The following PPFIBP2 variants were observed in gnomAD, a reference collection of about 807,000 sequenced individuals.
PPFIBP2 encodes PPFIB scaffold protein 2, also known as liprin-beta-2.
Under a neutral mutation model 118.3 loss-of-function variants are expected in PPFIBP2, and 118 were observed. The ratio of observed to expected loss-of-function variants is 1.00; its 90% confidence interval spans 0.86 to 1.16. The LOEUF (loss-of-function observed/expected upper bound fraction) is 1.16, where lower values mean the gene tolerates loss of function less well. Among genes scored for constraint, PPFIBP2 ranks in the 50% most tolerant of loss-of-function variants. PPFIBP2 has a pLI of 0.00. For missense variants in PPFIBP2, 1,195 were observed against 1,073.1 expected (o/e 1.11, Z -1.59); for synonymous variants, 414 against 397.4 (o/e 1.04, Z -0.50).
chr11:7,626,857 T>A (rs2135707011), intron 8 of PPFIBP2, among the ~76,000 whole-genome samples: 1 of 152,302 alleles, frequency 6.6e-6, no homozygotes, highest in Non-Finnish European at 1.5e-5. Context: ...TTAGCTTGGA[T>A]CCCCAGCTGG....
At chr11:7,646,099 T>C (rs1197047621) in intron 17 of PPFIBP2, among the ~76,000 whole-genome samples, 1 of 152,208 alleles carries the variant, frequency 6.6e-6, no homozygotes, top group Non-Finnish European at 1.5e-5. Context: ...TGAGTAGCCC[T>C]CTAGATTGTT....
intron 3 of PPFIBP2, among the ~76,000 whole-genome samples, chr11:7,566,111 A>C (rs7127972): frequency 0.19 from 29,097 of 151,756 alleles, 2,825 homozygotes; most frequent in Non-Finnish European, 0.2. Flanking sequence ...TGGTGTCTCT[A>C]CCCTCGGCTA....
chr11:7,523,187 A>G (rs1319887882), intron 1 of PPFIBP2, among the ~76,000 whole-genome samples: 1 of 152,120 alleles, frequency 6.6e-6, no homozygotes, highest in Non-Finnish European at 1.5e-5. Flanking sequence ...AGTGGCCCTG[A>G]GGCTGGAGTT....
chr11:7,538,125 AG>A (rs1223087548), intron 1 of PPFIBP2, among the ~76,000 whole-genome samples: 5 of 152,198 alleles, frequency 3.3e-5, no homozygotes, highest in Admixed American at 1.3e-4. Flanking sequence ...GAAGCCCAGA[AG>A]GTCAGATGTG....
chr11:7,607,004 A>G (rs1196929322), intron 5 of PPFIBP2, among the ~76,000 whole-genome samples: 3 of 134,528 alleles, frequency 2.2e-5, no homozygotes, highest in Non-Finnish European at 4.6e-5. Context: ...TCTGCCTCCC[A>G]GGTTCACGCC....
chr11:7,592,074 T>C (rs766170409), intron 3 of PPFIBP2, among the ~76,000 whole-genome samples: 5 of 152,178 alleles, frequency 3.3e-5, no homozygotes, highest in Admixed American at 1.3e-4. Flanking sequence ...ACCTCCCTCG[T>C]GAATATTGAA....
At chr11:7,543,680 G>A (rs889407318) in intron 1 of PPFIBP2, among the ~76,000 whole-genome samples, 4 of 152,218 alleles carry the variant, frequency 2.6e-5, no homozygotes, top group Non-Finnish European at 4.4e-5. Flanking sequence ...GGAATTCAGC[G>A]TGGGTGGAGT....
chr11:7,653,052 G>T lies in PPFIBP2; in HGVS notation c.2465G>T (p.Gly822Val). ...RPRKLGFSHF[G>V]NIRKKKFDES... ...AGGAAACTAGGATTTTCACACTTCGGAAACATAAGAAAAAAGAAGTTCGAT... is the reference window on the plus strand; with the variant it reads ...AGGAAACTAGGATTTTCACACTTCGTAAACATAAGAAAAAAGAAGTTCGAT... Residue 822 changes from glycine to valine, a missense_variant, in exon 24 of 24, where the codon GGA becomes GTA. Coordinates refer to ENST00000299492, the MANE Select transcript of PPFIBP2 (RefSeq NM_003621.5). 6.2e-7 allele frequency: 1 copy of T among 1,612,772 alleles called. No homozygotes were observed. Among genetic ancestry groups the T allele is most frequent in the Non-Finnish European group, 8.5e-7 (1 of 1,179,122 alleles).
chr11:7,654,674 T>C (rs924572173), downstream of PPFIBP2, among the ~76,000 whole-genome samples: 7 of 152,252 alleles, frequency 4.6e-5, no homozygotes, highest in Non-Finnish European at 1.0e-4. Context: ...TTCAGGCTGA[T>C]GCCTGGCCAC....
intron 2 of PPFIBP2, among the ~76,000 whole-genome samples, chr11:7,560,360 T>A (rs1367053425): frequency 6.6e-6 from 1 of 152,240 alleles, no homozygotes; most frequent in Non-Finnish European, 1.5e-5. Context: ...CAAATTGTTA[T>A]AAAAGTAATG....
chr11:7,572,727 T>C (rs1281408072), intron 3 of PPFIBP2, among the ~76,000 whole-genome samples: 1 of 152,220 alleles, frequency 6.6e-6, no homozygotes, highest in Non-Finnish European at 1.5e-5. Context: ...AATTTATGCT[T>C]CTAGGCAAGT....
intron 6 of PPFIBP2, among the ~76,000 whole-genome samples, chr11:7,614,991 A>T (rs1590607267): frequency 6.6e-6 from 1 of 152,170 alleles, no homozygotes; most frequent in East Asian, 1.9e-4. Context: ...GGTCTGCTTT[A>T]TGGGAGGGAA....
intron 14 of PPFIBP2, among the ~76,000 whole-genome samples, chr11:7,636,006 T>C (rs959321853): frequency 7.9e-5 from 12 of 152,190 alleles, no homozygotes; most frequent in African/African-American, 2.4e-4. Context: ...AGTTATGTTA[T>C]AAAAATTCCA....
intron 1 of PPFIBP2, among the ~76,000 whole-genome samples, chr11:7,530,261 A>C (rs1266937649): frequency 6.6e-6 from 1 of 151,798 alleles, no homozygotes; most frequent in Non-Finnish European, 1.5e-5. Flanking sequence ...TATCCATTAC[A>C]TAGTAACCTG....
At chr11:7,574,439 G>C (rs889143398) in intron 3 of PPFIBP2, among the ~76,000 whole-genome samples, 1 of 152,164 alleles carries the variant, frequency 6.6e-6, no homozygotes, top group African/African-American at 2.4e-5. Flanking sequence ...TAACTACCTC[G>C]GCCAATTAAA....
the PPFIBP2 span, among the ~76,000 whole-genome samples, chr11:7,663,785 C>T: frequency 5.9e-5 from 9 of 152,082 alleles, no homozygotes; most frequent in Admixed American, 4.6e-4. Flanking sequence ...GACTGCTGTG[C>T]TAGCAATCAG....
intron 1 of PPFIBP2, among the ~76,000 whole-genome samples, chr11:7,538,618 G>C (rs1590160179): frequency 6.6e-6 from 1 of 152,208 alleles, no homozygotes; most frequent in Non-Finnish European, 1.5e-5. Context: ...TTCAGTGGAA[G>C]GACCAGAAAG....
intron 3 of PPFIBP2, among the ~76,000 whole-genome samples, chr11:7,583,561 A>G (rs948909576): frequency 1.3e-5 from 2 of 152,202 alleles, no homozygotes; most frequent in African/African-American, 2.4e-5. Context: ...ACAGGATACC[A>G]GCACACATAC....
chr11:7,628,208 T>C (rs1850278175), intron 8 of PPFIBP2, 77 bp from the exon 9 acceptor site: 1 of 1,247,632 alleles, frequency 8.0e-7, no homozygotes, highest in African/African-American at 1.5e-5. Context: ...TCATTTGAAC[T>C]TGGGGGACAT....
Sources: gnomAD v4.1 joint callset for allele counts (sites outside exome capture counted in the v4.1 genomes callset) on GRCh38, gnomAD v4.1.1 for gene constraint, MANE v1.5 for transcripts, NCBI Gene and HGNC (gene_info 2026-07-23, HGNC 2026-07-21) for gene names.